Variants in KALRN observed in about 807,000 individuals in gnomAD.
The protein encoded by KALRN is kalirin RhoGEF kinase, also known as kalirin.
In KALRN, 70 loss-of-function variants were observed where a neutral mutation model predicts 353.7. The ratio of observed to expected loss-of-function variants is 0.20; its 90% CI spans 0.16 to 0.24. KALRN has a LOEUF of 0.24. KALRN is among the 10% of genes least tolerant of loss of function. The pLI is 1.00. For synonymous variants in KALRN, 1,391 were observed against 1,434.8 expected, an observed-to-expected ratio of 0.97 and a Z score of 0.69; for missense variants, 2,791 against 3,756.7, an observed-to-expected ratio of 0.74 and a Z score of 6.72.
At chr3:124,233,406 G>A (rs142535209) in intron 2 of KALRN, among the ~76,000 whole-genome samples, 113 of 152,242 alleles carry the variant, frequency 7.4e-4, no homozygotes, top group African/African-American at 2.4e-3. Flanking sequence ...TGGTTATCAC[G>A]TCAAAGAACC....
At chr3:124,164,432 C>A (rs1249584667) in intron 1 of KALRN, 1 of 152,192 alleles carries the variant, frequency 6.6e-6, no homozygotes, top group South Asian at 2.1e-4. Context: ...TGGGAGCAAA[C>A]CCACTCTTCT....
At chr3:124,472,575 A>ATGTGTGTGTGTG (rs57265173) in intron 25 of KALRN, among the ~76,000 whole-genome samples, 2 of 148,618 alleles carry the variant, frequency 1.3e-5, no homozygotes, top group Non-Finnish European at 3.0e-5. Context: ...GTGTGTGTAT[A>ATGTGTGTGTGTG]TGTGTGTGTG....
chr3:124,071,950 A>C (rs1346801906), intron 1 of KALRN, among the ~76,000 whole-genome samples: 1 of 152,214 alleles, frequency 6.6e-6, no homozygotes, highest in Non-Finnish European at 1.5e-5. Context: ...CCTTAGGCAC[A>C]TCAGTTCTTG....
At chr3:124,117,317 A>T (rs1406175420) in intron 1 of KALRN, among the ~76,000 whole-genome samples, 2 of 146,716 alleles carry the variant, frequency 1.4e-5, no homozygotes, top group African/African-American at 5.4e-5. Context: ...AAAGAAAAAC[A>T]GTGTTTTTTT....
intron 34 of KALRN, among the ~76,000 whole-genome samples, chr3:124,620,649 T>C (rs1245068496): frequency 6.6e-6 from 1 of 152,196 alleles, no homozygotes; most frequent in Admixed American, 6.5e-5. Context: ...ATAGAGAGAA[T>C]TTTCTCGCCT....
At chr3:124,400,140 T>C (rs1200166063) in intron 13 of KALRN, among the ~76,000 whole-genome samples, 2 of 152,172 alleles carry the variant, frequency 1.3e-5, no homozygotes, top group Non-Finnish European at 2.9e-5. Flanking sequence ...AAGGAATTTT[T>C]TTTTTAATAT....
At position 124,722,901 on chromosome 3, in the gene KALRN, G is replaced by A. The variant is rs1339764428; in HGVS notation, c.*3431G>A. ...TTGTTTTGTTTTGTTTTGTAAGGGT[G>A]GGATACAGAAAGAATGAAAAGATCA... On this transcript the variant is annotated 3_prime_UTR_variant, in exon 60 of 60. Coordinates refer to ENST00000682506, the MANE Select transcript of KALRN (RefSeq NM_001388419.1). 1 of 152,060 alleles carries A rather than the reference G, an allele frequency of 6.6e-6. No individual in the cohort carries two copies. Among genetic ancestry groups the A allele is most frequent in the Non-Finnish European group, 1.5e-5 (1 of 68,022 alleles). The allele number at this position is 152,060 out of a possible 1,614,324, so 9.4% of individuals were successfully genotyped here. A position where few individuals can be genotyped will look rare whatever the true frequency, so the allele number is the denominator to read the frequency against.
Position 124,562,863 on chromosome 3 carries a change from G to A in KALRN, c.4956G>A (p.Leu1652=). 1 of 1,366,372 alleles carries A rather than the reference G, an allele frequency of 7.3e-7. No individual in the cohort carries two copies. The highest frequency in any genetic ancestry group is 1.1e-5 in the South Asian group (1 of 87,594). 84.6% of individuals were successfully genotyped at this position (1,366,372 alleles called of 1,614,324 possible). A position where few individuals can be genotyped will look rare whatever the true frequency, so the allele number is the denominator to read the frequency against. The change falls in exon 34 of 60, where the codon CTG becomes CTA. Residue 1652 remains leucine, a synonymous_variant. Coordinates refer to ENST00000682506, the MANE Select transcript of KALRN (RefSeq NM_001388419.1). ...CAAAGCTCTCTGGTGGATGTGAGCTGACAGTGGTCCTCCAGGACTTCAGTG... is the reference window on the plus strand; with the variant it reads ...CAAAGCTCTCTGGTGGATGTGAGCTAACAGTGGTCCTCCAGGACTTCAGTG... ...DSDKLSGGCE[L]TVVLQDFSAG... is the part of the protein sequence containing the mutation.
At chr3:124,247,603 A>T (rs1344185471) in intron 3 of KALRN, among the ~76,000 whole-genome samples, 2 of 152,228 alleles carry the variant, frequency 1.3e-5, no homozygotes, top group Non-Finnish European at 2.9e-5. Context: ...CATCTTTGGT[A>T]GATCTGAAGT....
At chr3:124,051,722 G>C (rs544853922) in intron 1 of KALRN, among the ~76,000 whole-genome samples, 2 of 152,258 alleles carry the variant, frequency 1.3e-5, no homozygotes, top group South Asian at 4.1e-4. Context: ...CAGCGCTAGG[G>C]GCTGTGAGCA....
intron 13 of KALRN, 54 bp from the exon 14 acceptor site, chr3:124,413,416 A>T (rs2289846): frequency 0.41 from 605,099 of 1,463,048 alleles, 126,955 homozygotes; most frequent in East Asian, 0.5. Context: ...CCTTAACCTA[A>T]CAATCTCTCG....
intron 1 of KALRN, among the ~76,000 whole-genome samples, chr3:124,068,004 A>T (rs1242523026): frequency 1.3e-5 from 2 of 152,228 alleles, no homozygotes; most frequent in Non-Finnish European, 2.9e-5. Context: ...GGCCTTAAGG[A>T]GGTCAAACCA....
At chr3:124,100,089 G>C (rs113434185) in intron 1 of KALRN, among the ~76,000 whole-genome samples, 220 of 152,274 alleles carry the variant, frequency 1.4e-3, no homozygotes, top group African/African-American at 4.1e-3. Context: ...GCTTGAACTA[G>C]GGAGGCAGAG....
chr3:124,228,102 G>A, intron 2 of KALRN, 38 bp downstream of exon 2: 1 of 1,522,482 alleles, frequency 6.6e-7, no homozygotes, highest in Non-Finnish European at 9.1e-7. Context: ...AAAGGACCTA[G>A]AGAAGTTGTG....
chr3:124,198,847 G>A (rs1426765923), intron 1 of KALRN, among the ~76,000 whole-genome samples: 1 of 152,180 alleles, frequency 6.6e-6, no homozygotes, highest in Non-Finnish European at 1.5e-5. Context: ...CATCAACAGT[G>A]GCTGCGGACT....
intron 13 of KALRN, among the ~76,000 whole-genome samples, chr3:124,404,816 G>A (rs1461112440): frequency 6.6e-6 from 1 of 152,048 alleles, no homozygotes; most frequent in African/African-American, 2.4e-5. Flanking sequence ...AGAGCCATTA[G>A]TCTGCACAGT....
intron 1 of KALRN, among the ~76,000 whole-genome samples, chr3:124,049,422 A>G (rs2040826127): frequency 6.6e-6 from 1 of 152,216 alleles, no homozygotes; most frequent in Admixed American, 6.5e-5. Flanking sequence ...TCGAAGAAAG[A>G]GGTAAACATA....
At chr3:124,494,478 A>C (rs2063506005) in intron 32 of KALRN, among the ~76,000 whole-genome samples, 1 of 152,244 alleles carries the variant, frequency 6.6e-6, no homozygotes. Context: ...GCGCTGGCCC[A>C]GATAATCCAA....
At chr3:124,311,258 G>A (rs2078241001) in intron 6 of KALRN, among the ~76,000 whole-genome samples, 1 of 151,516 alleles carries the variant, frequency 6.6e-6, no homozygotes, top group South Asian at 2.1e-4. Flanking sequence ...TCAGGAGTTC[G>A]AGACCAGCCT....
Sources: gnomAD v4.1 joint callset for allele counts (sites outside exome capture counted in the v4.1 genomes callset) on GRCh38, gnomAD v4.1.1 for gene constraint, MANE v1.5 for transcripts, NCBI Gene and HGNC (gene_info 2026-07-23, HGNC 2026-07-21) for gene names.